The following TNIK variants were observed in gnomAD, a reference collection of about 807,000 sequenced individuals.
TNIK encodes the protein TRAF2 and NCK-interacting protein kinase.
A neutral mutation model predicts 191.3 loss-of-function variants in TNIK; 49 were observed. The observed-to-expected ratio is 0.26, with a 90% confidence interval of 0.20 to 0.32. The LOEUF is 0.32. Among genes scored for constraint, TNIK ranks in the 10% least tolerant of loss-of-function variants. The probability of loss-of-function intolerance (pLI) is 1.00; values close to 1 mark genes in which losing one functional copy is unlikely to be tolerated. For missense variants in TNIK, 1,155 were observed against 1,702.3 expected, an observed-to-expected ratio of 0.68 and a Z score of 5.66; for synonymous variants, 594 against 600.9, an observed-to-expected ratio of 0.99 and a Z score of 0.17.
chr3:171,272,515 CTA>C (rs1290143808), intron 2 of TNIK, among the ~76,000 whole-genome samples: 4 of 152,116 alleles, frequency 2.6e-5, no homozygotes, highest in African/African-American at 7.2e-5. Context: ...CCCATAAATC[CTA>C]TATGTTTTTC....
intron 4 of TNIK, among the ~76,000 whole-genome samples, chr3:171,208,550 ATT>A (rs1156754943): frequency 3.8e-4 from 36 of 93,778 alleles, no homozygotes; most frequent in South Asian, 2.1e-3. Context: ...GTCCTATTTT[ATT>A]TTTGTGTGTA....
intron 17 of TNIK, among the ~76,000 whole-genome samples, chr3:171,124,515 G>A (rs1728204744): frequency 6.6e-6 from 1 of 152,144 alleles, no homozygotes; most frequent in Non-Finnish European, 1.5e-5. Flanking sequence ...TATTTTAAGT[G>A]TACCAAAGGA....
In TNIK at chr3:171,093,980, A is replaced by G. The variant is rs749621633; in HGVS notation, c.2592-12T>C. ...GAGCTCCTGTTGGTCTGAGATGAGAAGGAACAACATTCATGGCAATGTATC... is the reference window on the plus strand; with the variant it reads ...GAGCTCCTGTTGGTCTGAGATGAGAGGGAACAACATTCATGGCAATGTATC... On this transcript the variant is annotated splice_polypyrimidine_tract_variant and intron_variant, in intron 22 of 32. Transcript: ENST00000436636. 15 of 1,610,590 alleles carry G rather than the reference A, an allele frequency of 9.3e-6. No homozygotes were observed. The highest frequency in any genetic ancestry group is 1.3e-5 in the African/African-American group (1 of 74,816).
At chr3:171,341,225 C>A (rs1053002011) in intron 2 of TNIK, among the ~76,000 whole-genome samples, 2 of 152,064 alleles carry the variant, frequency 1.3e-5, no homozygotes, top group African/African-American at 4.8e-5. Context: ...ATAATCCCAG[C>A]ACTTTGGGAG....
chr3:171,087,385 C>T lies in TNIK; in HGVS notation c.2843G>A (p.Gly948Glu). Residue 948 changes from glycine (G) to glutamate (E), a missense_variant, in exon 24 of 33, where the codon GGG becomes GAG. Physicochemically the swap from Gly to Glu is moderately conservative, Grantham distance 98 (BLOSUM62 -2). Coordinates refer to ENST00000436636, the MANE Select transcript of TNIK (RefSeq NM_015028.4). ...SPAGTPTEGLGRVSTHSQEMD... is the reference protein window; with the variant it reads ...SPAGTPTEGLERVSTHSQEMD... ...CTCCTGGGAATGGGTTGAGACGCGC[C>T]CCAGTCCCTCAGTCGGGGTTCCAGC... 1.2e-6 allele frequency: 2 copies of T among 1,613,946 alleles called. No homozygotes were observed. The highest frequency in any genetic ancestry group is 1.7e-6 in the Non-Finnish European group (2 of 1,179,888).
At chr3:171,311,597 A>C (rs1188817813) in intron 2 of TNIK, among the ~76,000 whole-genome samples, 1 of 152,172 alleles carries the variant, frequency 6.6e-6, no homozygotes, top group Non-Finnish European at 1.5e-5. Flanking sequence ...ATTTTTCTAC[A>C]TTGGGTTGCC....
chr3:171,183,661 G>A (rs1027034949), intron 7 of TNIK, among the ~76,000 whole-genome samples: 6 of 152,074 alleles, frequency 3.9e-5, no homozygotes, highest in Non-Finnish European at 5.9e-5. Context: ...AGTGGCTCAC[G>A]CTTGTAATCC....
At chr3:171,253,860 T>C (rs573608132) in intron 2 of TNIK, among the ~76,000 whole-genome samples, 5 of 152,328 alleles carry the variant, frequency 3.3e-5, no homozygotes, top group African/African-American at 7.2e-5. Flanking sequence ...GTCTTTATTC[T>C]ACATATTAAA....
chr3:171,153,266 TCTTC>T (rs1204214271), intron 12 of TNIK, among the ~76,000 whole-genome samples: 4 of 152,166 alleles, frequency 2.6e-5, no homozygotes, highest in South Asian at 2.1e-4. Context: ...CTCTGCTGTC[TCTTC>T]CTTGTCTATT....
At chr3:171,087,587 G>A in intron 23 of TNIK, 81 bp from the exon 24 acceptor site, 9 of 1,477,608 alleles carry the variant, frequency 6.1e-6, no homozygotes, top group Non-Finnish European at 8.3e-6. Flanking sequence ...CACAGCATAG[G>A]CATACGGGGC....
intron 7 of TNIK, among the ~76,000 whole-genome samples, chr3:171,187,677 T>C (rs1436507417): frequency 6.6e-6 from 1 of 152,196 alleles, no homozygotes; most frequent in Admixed American, 6.5e-5. Context: ...AACAGAAAGT[T>C]TGGAGACCTG....
intron 12 of TNIK, among the ~76,000 whole-genome samples, chr3:171,149,973 T>C (rs1475437263): frequency 6.6e-6 from 1 of 152,216 alleles, no homozygotes; most frequent in Non-Finnish European, 1.5e-5. Context: ...CTCCAGGCTC[T>C]GAGATGGGGG....
chr3:171,260,340 C>G (rs1032972023), intron 2 of TNIK, among the ~76,000 whole-genome samples: 3 of 152,178 alleles, frequency 2.0e-5, no homozygotes, highest in Admixed American at 2.0e-4. Context: ...GTGCCTCTCC[C>G]AATGACCTTG....
chr3:171,251,755 T>C (rs1029203339), intron 2 of TNIK, among the ~76,000 whole-genome samples: 1 of 152,252 alleles, frequency 6.6e-6, no homozygotes, highest in Admixed American at 6.5e-5. Flanking sequence ...GTTTAAATCA[T>C]TCTGAAATTA....
chr3:171,325,026 A>G (rs1001947790), intron 2 of TNIK, among the ~76,000 whole-genome samples: 23 of 152,058 alleles, frequency 1.5e-4, no homozygotes, highest in African/African-American at 5.6e-4. Context: ...GCGTGAATCC[A>G]GGAGGCGGAG....
chr3:171,286,299 A>G (rs1237927703), intron 2 of TNIK, among the ~76,000 whole-genome samples: 1 of 152,232 alleles, frequency 6.6e-6, no homozygotes, highest in Non-Finnish European at 1.5e-5. Flanking sequence ...AGGACAATTC[A>G]TGAATGCCCT....
At chr3:171,325,298 G>A (rs1755625183) in intron 2 of TNIK, among the ~76,000 whole-genome samples, 1 of 151,988 alleles carries the variant, frequency 6.6e-6, no homozygotes, top group Non-Finnish European at 1.5e-5. Flanking sequence ...AGAGACCAAA[G>A]GCAAAATGCC....
At chr3:171,154,927 CCTT>C (rs1458304919) in intron 12 of TNIK, among the ~76,000 whole-genome samples, 25 of 152,172 alleles carry the variant, frequency 1.6e-4, no homozygotes, top group Non-Finnish European at 3.4e-4. Flanking sequence ...TATTCAAAGT[CCTT>C]CTAAGAATAT....
intron 18 of TNIK, among the ~76,000 whole-genome samples, chr3:171,114,097 T>A (rs1726320121): frequency 6.6e-6 from 1 of 152,036 alleles, no homozygotes; most frequent in African/African-American, 2.4e-5. Flanking sequence ...ATTTTTCTGT[T>A]AGATTTACAC....
Sources: gnomAD v4.1 joint callset for allele counts (sites outside exome capture counted in the v4.1 genomes callset) on GRCh38, gnomAD v4.1.1 for gene constraint, MANE v1.5 for transcripts, NCBI Gene and HGNC (gene_info 2026-07-23, HGNC 2026-07-21) for gene names.